Variants in CDHR3 observed in about 807,000 individuals in gnomAD.
CDHR3 encodes the protein cadherin-related family member 3.
In CDHR3, 79 loss-of-function variants were observed where a neutral mutation model predicts 86.6. The observed-to-expected ratio is 0.91, with a 90% CI of 0.76 to 1.10. The LOEUF (loss-of-function observed/expected upper bound fraction) is 1.10, where lower values mean the gene tolerates loss of function less well. CDHR3 is among the 50% of genes least tolerant of loss of function. The pLI, the probability that CDHR3 is intolerant of heterozygous loss-of-function variation, is 0.00. For missense variants in CDHR3, 1,081 were observed against 1,077.6 expected, an observed-to-expected ratio of 1.00 and a Z score of -0.04; for synonymous variants, 421 against 402.4, an observed-to-expected ratio of 1.05 and a Z score of -0.55.
At chr7:105,967,759 A>G (rs1441240155) in intron 1 of CDHR3, among the ~76,000 whole-genome samples, 1 of 152,174 alleles carries the variant, frequency 6.6e-6, no homozygotes, top group Non-Finnish European at 1.5e-5. Flanking sequence ...TCTTCTTTTG[A>G]GAAGTGTCTG....
At chr7:106,002,629 A>T (rs1301794220) in intron 7 of CDHR3, among the ~76,000 whole-genome samples, 1 of 152,104 alleles carries the variant, frequency 6.6e-6, no homozygotes, top group Non-Finnish European at 1.5e-5. Flanking sequence ...GTAAGGATGG[A>T]TGGGTTACTT....
At chr7:105,988,889 T>A (rs544960939) in intron 4 of CDHR3, among the ~76,000 whole-genome samples, 2 of 152,228 alleles carry the variant, frequency 1.3e-5, no homozygotes, top group African/African-American at 4.8e-5. Context: ...CATAAAATGA[T>A]TAATGAGATA....
At chr7:106,017,193 G>A (rs547073457) in intron 11 of CDHR3, among the ~76,000 whole-genome samples, 2 of 152,290 alleles carry the variant, frequency 1.3e-5, no homozygotes, top group South Asian at 4.1e-4. Context: ...AGAGATGTAT[G>A]TGTGAGGTTG....
chr7:105,984,414 C>A, intron 4 of CDHR3, 125 bp downstream of exon 4: 1 of 579,330 alleles, frequency 1.7e-6, no homozygotes. Context: ...CGTCCACTTC[C>A]AAACACAGTG....
At chr7:105,989,472 C>T (rs1831033225) in intron 4 of CDHR3, among the ~76,000 whole-genome samples, 1 of 152,044 alleles carries the variant, frequency 6.6e-6, no homozygotes, top group Non-Finnish European at 1.5e-5. Context: ...ATGAAATGTG[C>T]TTTGTCTTCA....
At chr7:105,988,526 AT>A (rs1402366482) in intron 4 of CDHR3, among the ~76,000 whole-genome samples, 1 of 152,252 alleles carries the variant, frequency 6.6e-6, no homozygotes, top group Non-Finnish European at 1.5e-5. Flanking sequence ...TATAGGATGC[AT>A]TTTGAAACCT....
At chr7:105,963,420 C>A in intron 1 of CDHR3, 56 bp downstream of exon 1, 1 of 1,546,768 alleles carries the variant, frequency 6.5e-7, no homozygotes, top group Non-Finnish European at 8.9e-7. Flanking sequence ...TGCATAATAC[C>A]ATTGAATGAC....
In CDHR3 at chr7:106,034,486, C is replaced by T. The variant is rs1838749906; in HGVS notation, c.*1789C>T. Among the ~76,000 whole-genome samples, 2 of 152,186 alleles carry T rather than the reference C, an allele frequency of 1.3e-5. No homozygotes were observed. The highest frequency in any genetic ancestry group is 6.5e-5 in the Admixed American group (1 of 15,280). The stretch of plus-strand genomic sequence containing the variant: ...TGTGCCTAGTGCCAGTGTCACTTCT[C>T]AAGCAAAAGAAGCATTTGCAAAATG... On this transcript the variant is annotated 3_prime_UTR_variant, in exon 19 of 19. Coordinates refer to ENST00000317716, the MANE Select transcript of CDHR3 (RefSeq NM_152750.5).
intron 16 of CDHR3, 91 bp downstream of exon 16, chr7:106,026,786 C>T (rs539399541): frequency 3.0e-5 from 39 of 1,321,548 alleles, no homozygotes; most frequent in African/African-American, 1.3e-4. Flanking sequence ...AGAATCAGGC[C>T]GCGATCACAT....
chr7:105,984,618 ACT>A (rs1313326478), intron 4 of CDHR3, among the ~76,000 whole-genome samples: 1 of 152,206 alleles, frequency 6.6e-6, no homozygotes, highest in African/African-American at 2.4e-5. Context: ...ATGTAAAACC[ACT>A]TAGTGCAGTG....
At chr7:106,012,538 A>G (rs28564479) in intron 8 of CDHR3, among the ~76,000 whole-genome samples, 88 of 152,210 alleles carry the variant, frequency 5.8e-4, no homozygotes, top group African/African-American at 2.0e-3. Context: ...GAGTTCAGAG[A>G]GGAAAAGGAG....
intron 11 of CDHR3, among the ~76,000 whole-genome samples, chr7:106,016,785 A>G (rs1835697885): frequency 1.3e-5 from 2 of 152,268 alleles, no homozygotes; most frequent in Non-Finnish European, 2.9e-5. Context: ...TGCAAAATGC[A>G]AGTCCAAAGA....
chr7:106,024,450 A>T lies in CDHR3; in HGVS notation c.2146A>T (p.Ile716Phe). The stretch of plus-strand genomic sequence containing the variant: ...ATCTGCATGGTACGTGCCGTTTGTC[A>T]TCACTTTGGGCTCCATATTGCTTCT... ...SPSAWYVPFVITLGSILLLGL... is the reference protein window; with the variant it reads ...SPSAWYVPFVFTLGSILLLGL... The change falls in exon 15 of 19, where the codon ATC (isoleucine) becomes TTC (phenylalanine). Residue 716 changes from isoleucine to phenylalanine, a missense_variant. By Grantham distance (21) the Ile-to-Phe change is conservative (BLOSUM62 0). Coordinates refer to ENST00000317716, the MANE Select transcript of CDHR3 (RefSeq NM_152750.5). 1 of 1,614,042 alleles carries T rather than the reference A, an allele frequency of 6.2e-7. No homozygotes were observed.
At position 105,994,831 on chromosome 7, in the gene CDHR3, A is replaced by C. The variant is rs1563258951; in HGVS notation, c.594A>C (p.Glu198Asp). The change falls in exon 5 of 19, where the codon GAA becomes GAC. Residue 198 changes from glutamate to aspartate, a missense_variant. Transcript: ENST00000317716. Reference protein sequence around the residue: ...TLFSTTELDFEAGHRSFHLIV... With the variant: ...TLFSTTELDFDAGHRSFHLIV... ...TCTCCACAACAGAATTGGACTTTGA[A>C]GCAGGACACAGAAGGTAGTCTTGCT... 2 of 1,609,014 alleles carry C rather than the reference A, an allele frequency of 1.2e-6. No individual in the cohort carries two copies. Among genetic ancestry groups the C allele is most frequent in the Non-Finnish European group, 1.7e-6 (2 of 1,177,364 alleles).
intron 5 of CDHR3, among the ~76,000 whole-genome samples, chr7:105,995,329 A>T (rs918695584): frequency 6.6e-6 from 1 of 152,258 alleles, no homozygotes; most frequent in African/African-American, 2.4e-5. Flanking sequence ...TCATCAGCAC[A>T]TAAATGTTAT....
chr7:106,032,625 G>A lies in CDHR3; in HGVS notation c.2586G>A (p.Lys862=), dbSNP rs1187552337. 6.2e-7 allele frequency: 1 copy of A among 1,613,938 alleles called. No homozygotes were observed. The highest frequency in any genetic ancestry group is 1.7e-5 in the Admixed American group (1 of 60,016). The change falls in exon 19 of 19, where the codon AAG becomes AAA. Residue 862 remains lysine (K), a synonymous_variant. Transcript: ENST00000317716. ...TGGGTTCCAGAAATGAGGGTGGCAA[G>A]CTGGGCAACCCAAAGAACAGAAATC... ...AGLGSRNEGG[K]LGNPKNRNPA...
chr7:106,003,847 A>ATT (rs1833549705), intron 7 of CDHR3, among the ~76,000 whole-genome samples: 1 of 151,916 alleles, frequency 6.6e-6, no homozygotes, highest in Non-Finnish European at 1.5e-5. Context: ...TGTAGGGACA[A>ATT]CCATGGTTGA....
At chr7:105,992,826 G>A (rs895021571) in intron 4 of CDHR3, among the ~76,000 whole-genome samples, 12 of 152,122 alleles carry the variant, frequency 7.9e-5, no homozygotes, top group African/African-American at 2.7e-4. Context: ...TTAATAGGTG[G>A]CATATTTCAT....
At chr7:105,967,661 A>T (rs1358616388) in intron 1 of CDHR3, among the ~76,000 whole-genome samples, 1 of 152,142 alleles carries the variant, frequency 6.6e-6, no homozygotes, top group African/African-American at 2.4e-5. Flanking sequence ...CTGGTGTAAG[A>T]TGGTATCTCA....
Sources: gnomAD v4.1 joint callset for allele counts (sites outside exome capture counted in the v4.1 genomes callset) on GRCh38, gnomAD v4.1.1 for gene constraint, MANE v1.5 for transcripts, NCBI Gene and HGNC (gene_info 2026-07-23, HGNC 2026-07-21) for gene names.